Variants in GRID1 observed in about 807,000 individuals in gnomAD.
GRID1 encodes glutamate ionotropic receptor delta type subunit 1, also known as glutamate receptor ionotropic, delta-1.
Under a neutral mutation model 98.0 loss-of-function variants are expected in GRID1, and 28 were observed. That is an observed-to-expected ratio of 0.29 (90% confidence interval 0.21 to 0.39). GRID1 has a LOEUF of 0.39. Among genes scored for constraint, GRID1 ranks in the 10% least tolerant of loss-of-function variants. The probability of loss-of-function intolerance (pLI) is 1.00; values close to 1 mark genes in which losing one functional copy is unlikely to be tolerated. For synonymous variants in GRID1, 553 were observed against 538.5 expected, an observed-to-expected ratio of 1.03 and a Z score of -0.37; for missense variants, 1,111 against 1,340.5, an observed-to-expected ratio of 0.83 and a Z score of 2.67.
intron 15 of GRID1, among the ~76,000 whole-genome samples, chr10:85,603,623 C>T (rs759547358): frequency 6.6e-6 from 1 of 152,222 alleles, no homozygotes; most frequent in Non-Finnish European, 1.5e-5. Context: ...TCAAGGAAGA[C>T]GTCATCTCCT....
At chr10:85,848,981 T>C (rs769089909) in intron 8 of GRID1, among the ~76,000 whole-genome samples, 4 of 152,198 alleles carry the variant, frequency 2.6e-5, no homozygotes, top group Admixed American at 1.3e-4. Flanking sequence ...AGCAGCTTAA[T>C]AGAGACACTG....
intron 4 of GRID1, among the ~76,000 whole-genome samples, chr10:85,993,819 T>C (rs1374264857): frequency 2.6e-5 from 4 of 152,170 alleles, no homozygotes; most frequent in African/African-American, 9.7e-5. Flanking sequence ...AGGAGAATTG[T>C]GCCTAGGAGA....
rs576550670 is a variant in GRID1, at chr10:86,366,780, C to A, written c.-388G>T. 6.6e-6 allele frequency among the ~76,000 whole-genome samples: 1 copy of A among 150,450 alleles called. No homozygotes were observed. The highest frequency in any genetic ancestry group is 2.1e-4 in the South Asian group (1 of 4,806). On this transcript the variant is annotated 5_prime_UTR_variant, in exon 1 of 16. Transcript: ENST00000327946. The surrounding 1 kb of genome is among the most constrained non-coding windows in gnomAD (Gnocchi z 4.1). Reference sequence around the variant, plus strand: ...CTGGGCTGGCTGTGTGTCTGAGCCCCGGCGAGGAGCGAACTGCGGAGGACG... The same window carrying A: ...CTGGGCTGGCTGTGTGTCTGAGCCCAGGCGAGGAGCGAACTGCGGAGGACG...
At chr10:86,224,094 C>T (rs1315443236) in intron 2 of GRID1, among the ~76,000 whole-genome samples, 1 of 152,202 alleles carries the variant, frequency 6.6e-6, no homozygotes, top group African/African-American at 2.4e-5. Context: ...GCACATGTTC[C>T]CTCCAACTGT....
Position 86,311,411 on chromosome 10 carries a change from G to C in GRID1, c.235+52530C>G, listed in dbSNP as rs576872331. Among the ~76,000 whole-genome samples, 6 of 152,288 alleles carry C rather than the reference G, an allele frequency of 3.9e-5. No individual in the cohort carries two copies. The East Asian group carries it at 7.7e-4, about 20-fold the overall frequency. On this transcript the variant is annotated intron_variant, in intron 2 of 15. Coordinates refer to ENST00000327946, the MANE Select transcript of GRID1 (RefSeq NM_017551.3). ...GCAGATGGGTGTCACCCATATACTT[G>C]CTCCCATAATGCTTTGCTGTATCAT...
chr10:85,886,901 T>G (rs1841125697), intron 5 of GRID1, among the ~76,000 whole-genome samples: 1 of 152,234 alleles, frequency 6.6e-6, no homozygotes, highest in South Asian at 2.1e-4. Flanking sequence ...TATACAGGGC[T>G]ATGCAATCAC....
chr10:85,841,929 G>GACTT (rs1206072228), intron 8 of GRID1, among the ~76,000 whole-genome samples: 5 of 152,036 alleles, frequency 3.3e-5, no homozygotes. Flanking sequence ...ATTCTTCAAA[G>GACTT]ACTTAAAGAA....
intron 4 of GRID1, among the ~76,000 whole-genome samples, chr10:85,979,504 C>A (rs1842516686): frequency 6.6e-6 from 1 of 152,188 alleles, no homozygotes; most frequent in Non-Finnish European, 1.5e-5. Flanking sequence ...TTCCAAGCCC[C>A]CCTTCCTGGC....
chr10:86,246,300 G>A (rs1401866265), intron 2 of GRID1, among the ~76,000 whole-genome samples: 1 of 152,242 alleles, frequency 6.6e-6, no homozygotes, highest in South Asian at 2.1e-4. Flanking sequence ...GCCTTGTGAA[G>A]CCACGGCCCA....
rs1843206530 is a variant in GRID1, at chr10:85,647,235, G to C, written c.2160C>G (p.Asn720Lys). 1 of 1,614,096 alleles carries C rather than the reference G, an allele frequency of 6.2e-7. No individual in the cohort carries two copies. The highest frequency in any genetic ancestry group is 1.3e-5 in the African/African-American group (1 of 74,938). Residue 720 changes from asparagine to lysine, a missense_variant, in exon 13 of 16, where the codon AAC becomes AAG. Physicochemically the swap from Asn to Lys is moderately conservative, Grantham distance 94. Around this residue, in one of 3 missense-constraint regions of GRID1, gnomAD observed 762 missense variants for 869.1 expected, o/e 0.88. Coordinates refer to ENST00000327946, the MANE Select transcript of GRID1 (RefSeq NM_017551.3). ...TGCCTTCTGAAGGACTGGACACGCA[G>C]TTGTCAGCCCCTCCGTTCTTGCTGA... ...RTISKNGGAD[N>K]CVSSPSEGIR...
chr10:85,879,601 C>G (rs1212325542), intron 5 of GRID1, among the ~76,000 whole-genome samples: 1 of 152,008 alleles, frequency 6.6e-6, no homozygotes, highest in African/African-American at 2.4e-5. Context: ...ATACGAGAAT[C>G]TCTGGGACAC....
chr10:85,647,679 TA>T, intron 12 of GRID1: 1 of 358,354 alleles, frequency 2.8e-6, no homozygotes, highest in Non-Finnish European at 5.2e-6. Context: ...AAAGGATGAG[TA>T]AGACATGATT....
intron 13 of GRID1, among the ~76,000 whole-genome samples, chr10:85,632,724 T>C (rs936056755): frequency 6.6e-6 from 1 of 152,188 alleles, no homozygotes; most frequent in African/African-American, 2.4e-5. Flanking sequence ...TGGTATTTTT[T>C]AAAAATTATT....
At chr10:86,105,356 C>T (rs1188671483) in intron 4 of GRID1, among the ~76,000 whole-genome samples, 2 of 152,108 alleles carry the variant, frequency 1.3e-5, no homozygotes, top group East Asian at 1.9e-4. Flanking sequence ...GCGCTCTGGC[C>T]AAGGTCTCAC....
chr10:86,326,328 C>T (rs534839617), intron 2 of GRID1, among the ~76,000 whole-genome samples: 1 of 152,280 alleles, frequency 6.6e-6, no homozygotes, highest in African/African-American at 2.4e-5. Context: ...ATTCAAAGCA[C>T]CCACTGACAG....
At chr10:85,808,329 T>G (rs970944660) in intron 8 of GRID1, among the ~76,000 whole-genome samples, 5 of 152,020 alleles carry the variant, frequency 3.3e-5, no homozygotes, top group Non-Finnish European at 7.4e-5. Context: ...GGTACCAAGG[T>G]GAGAAAAATT....
At chr10:85,614,651 C>T (rs978238636) in intron 14 of GRID1, among the ~76,000 whole-genome samples, 1 of 152,048 alleles carries the variant, frequency 6.6e-6, no homozygotes, top group African/African-American at 2.4e-5. Flanking sequence ...ATTTAAGAAG[C>T]AGAAAAATGG....
chr10:85,774,252 T>C (rs1203873627), intron 8 of GRID1, among the ~76,000 whole-genome samples: 4 of 152,142 alleles, frequency 2.6e-5, no homozygotes, highest in Non-Finnish European at 4.4e-5. Context: ...TAAATGGTGC[T>C]GGGAAAACTG....
Position 85,824,690 on chromosome 10 carries a change from C to G in GRID1, c.1233+29806G>C, listed in dbSNP as rs753877626. ...TATATAGTTTTTTATCCCTCACCAC[C>G]CCCCCACCACCAACCTTCCAGTCTT... On this transcript the variant is annotated intron_variant, in intron 8 of 15. Coordinates refer to ENST00000327946, the MANE Select transcript of GRID1 (RefSeq NM_017551.3). Among the ~76,000 whole-genome samples the G allele has an allele frequency of 2.6e-5, 4 of 152,116 alleles. No homozygotes were observed. The East Asian group carries it at 7.7e-4, about 29-fold the overall frequency.
Sources: allele counts gnomAD v4.1 joint callset (sites outside exome capture counted in the v4.1 genomes callset), GRCh38; gene constraint gnomAD v4.1.1; regional missense constraint gnomAD v4.1.1; non-coding constraint Gnocchi (gnomAD v3.1); transcripts MANE v1.5; gene names NCBI Gene and HGNC (gene_info 2026-07-23, HGNC 2026-07-21).